Variants in GPC3 observed in about 807,000 individuals in gnomAD.
GPC3 encodes glypican-3.
In GPC3, 3 loss-of-function variants were observed where a neutral mutation model predicts 34.4. The ratio of observed to expected loss-of-function variants is 0.09; its 90% CI spans 0.04 to 0.23. The LOEUF is 0.23. GPC3 is among the 10% of genes least tolerant of loss of function. The pLI, the probability that GPC3 is intolerant of heterozygous loss-of-function variation, is 1.00. For missense variants in GPC3, 351 were observed against 445.6 expected, an observed-to-expected ratio of 0.79 and a Z score of 1.91; for synonymous variants, 177 against 174.0, an observed-to-expected ratio of 1.02 and a Z score of -0.13.
intron 2 of GPC3, among the ~76,000 whole-genome samples, chrX:133,782,097 T>C (rs1219629594): frequency 1.8e-5 from 2 of 111,471 alleles, no homozygotes; most frequent in Admixed American, 1.9e-4. Flanking sequence ...GTAACAGCTC[T>C]GAATGCTACC....
intron 7 of GPC3, among the ~76,000 whole-genome samples, chrX:133,554,312 ATTT>A (rs756600163): frequency 1.1e-5 from 1 of 88,026 alleles, no homozygotes. Flanking sequence ...GTATCTGGCA[ATTT>A]TTTTTTTTTT....
In GPC3 at chrX:133,776,919, G is replaced by A. The variant is rs181016865; in HGVS notation, c.338-22743C>T. On this transcript the variant is annotated intron_variant, in intron 2 of 7. Transcript: ENST00000370818. ...TTTTGAGATGGAGTCTTACACTGTCGCCCGCGCTGGAGTGCAGTGGCGCGA... is the reference window on the plus strand; with the variant it reads ...TTTTGAGATGGAGTCTTACACTGTCACCCGCGCTGGAGTGCAGTGGCGCGA... Among the ~76,000 whole-genome samples the A allele has an allele frequency of 8.2e-3, 682 of 83,491 alleles. 5 individuals carry two copies. Among genetic ancestry groups the A allele is most frequent in the African/African-American group, 0.028 (637 of 22,962 alleles). The allele number at this position is 83,491 out of a possible 115,157, so 72.5% of individuals were successfully genotyped here.
At chrX:133,712,884 C>A (rs1200151774) in intron 3 of GPC3, among the ~76,000 whole-genome samples, 1 of 108,887 alleles carries the variant, frequency 9.2e-6, no homozygotes, top group Non-Finnish European at 1.9e-5. Flanking sequence ...GACTCCCTCT[C>A]AAAAAAAATA....
chrX:133,974,450 G>T (rs1569461275), intron 1 of GPC3, among the ~76,000 whole-genome samples: 1 of 112,552 alleles, frequency 8.9e-6, no homozygotes, highest in Non-Finnish European at 1.9e-5. Flanking sequence ...AGAGATGTGT[G>T]TGTATGCACG....
intron 2 of GPC3, among the ~76,000 whole-genome samples, chrX:133,858,116 G>C (rs2075914872): frequency 9.0e-6 from 1 of 111,582 alleles, no homozygotes; most frequent in Non-Finnish European, 1.9e-5. Flanking sequence ...ACTCAGGAAA[G>C]GGGGGCTGCT....
chrX:133,561,984 T>C (rs2069541876), intron 7 of GPC3, among the ~76,000 whole-genome samples: 1 of 112,290 alleles, frequency 8.9e-6, no homozygotes, highest in African/African-American at 3.2e-5. Flanking sequence ...ATTTAGTTTA[T>C]ATTCGATGAC....
chrX:133,700,712 G>A (rs1199818255), intron 3 of GPC3, among the ~76,000 whole-genome samples: 1 of 110,010 alleles, frequency 9.1e-6, no homozygotes, highest in East Asian at 2.9e-4. Flanking sequence ...CCCAGTCTCT[G>A]CAAAAAATAA....
chrX:133,841,044 C>A (rs1046530652), intron 2 of GPC3, among the ~76,000 whole-genome samples: 5 of 106,018 alleles, frequency 4.7e-5, no homozygotes, highest in Non-Finnish European at 5.8e-5. Context: ...TTAAAAAATT[C>A]TTCTATCAAA....
At chrX:133,911,461 A>G (rs1005039644) in intron 2 of GPC3, among the ~76,000 whole-genome samples, 1 of 111,755 alleles carries the variant, frequency 8.9e-6, no homozygotes, top group Admixed American at 9.5e-5. Flanking sequence ...TTTAAAAGGT[A>G]TGTTCTAATT....
chrX:133,560,242 T>G (rs893277724), intron 7 of GPC3, among the ~76,000 whole-genome samples: 2 of 111,777 alleles, frequency 1.8e-5, no homozygotes, highest in African/African-American at 3.3e-5. Flanking sequence ...ATCTTTCTAC[T>G]TTCTCAGCTT....
intron 3 of GPC3, among the ~76,000 whole-genome samples, chrX:133,725,138 T>A (rs766436477): frequency 9.0e-6 from 1 of 111,526 alleles, no homozygotes; most frequent in South Asian, 3.9e-4. Context: ...ATATAAATAA[T>A]CTCAGTTCTG....
intron 2 of GPC3, among the ~76,000 whole-genome samples, chrX:133,914,693 T>C (rs1309813343): frequency 9.1e-6 from 1 of 110,199 alleles, no homozygotes; most frequent in Admixed American, 9.8e-5. Context: ...TAGTACAGTA[T>C]AGTTAGCACT....
At chrX:133,983,799 C>G (rs1320774343) in intron 1 of GPC3, among the ~76,000 whole-genome samples, 1 of 111,966 alleles carries the variant, frequency 8.9e-6, no homozygotes, top group Non-Finnish European at 1.9e-5. Flanking sequence ...TTGCCCCTTA[C>G]AGCTCCTGCA....
At chrX:133,887,352 T>C (rs1010316718) in intron 2 of GPC3, among the ~76,000 whole-genome samples, 2 of 112,649 alleles carry the variant, frequency 1.8e-5, no homozygotes, top group Non-Finnish European at 3.7e-5. Flanking sequence ...ATCTTTTTGA[T>C]AACAGCCATT....
At chrX:133,708,919 GTTAT>G (rs1293218975) in intron 3 of GPC3, among the ~76,000 whole-genome samples, 1 of 111,984 alleles carries the variant, frequency 8.9e-6, no homozygotes, top group East Asian at 2.8e-4. Flanking sequence ...AACTTTCCAA[GTTAT>G]TTAACACTCA....
chrX:133,596,805 G>T (rs1448949614), intron 6 of GPC3, among the ~76,000 whole-genome samples: 1 of 111,627 alleles, frequency 9.0e-6, no homozygotes, highest in Non-Finnish European at 1.9e-5. Context: ...TGATGTGATG[G>T]TCTACTCCTT....
chrX:133,659,669 A>G (rs1279155074), intron 6 of GPC3, among the ~76,000 whole-genome samples: 1 of 111,783 alleles, frequency 8.9e-6, no homozygotes, highest in Non-Finnish European at 1.9e-5. Flanking sequence ...TTGAATCCCC[A>G]AAGTCCCTGG....
chrX:133,650,139 G>T (rs1315209000), intron 6 of GPC3, among the ~76,000 whole-genome samples: 1 of 111,105 alleles, frequency 9.0e-6, no homozygotes, highest in Non-Finnish European at 1.9e-5. Context: ...GTGAGACATC[G>T]GCCAATAAGG....
In GPC3 at chrX:133,715,919, C is replaced by T. The variant is rs183679870; in HGVS notation, c.1033-15891G>A. Among the ~76,000 whole-genome samples, 10 of 111,264 alleles carry T rather than the reference C, an allele frequency of 9.0e-5. No homozygotes were observed. In the East Asian group the frequency reaches 2.8e-3, roughly 32 times the overall value. On this transcript the variant is annotated intron_variant, in intron 3 of 7. Coordinates refer to ENST00000370818, the MANE Select transcript of GPC3 (RefSeq NM_004484.4). ...CTGTGCAAGGAAGTGAAGGCTAAGG[C>T]AGGGTCTTCAACTGCTAGGCTGAAT... is the stretch of plus-strand genomic sequence containing the variant.
Sources: allele counts gnomAD v4.1 joint callset (sites outside exome capture counted in the v4.1 genomes callset), GRCh38; gene constraint gnomAD v4.1.1; transcripts MANE v1.5; gene names NCBI Gene and HGNC (gene_info 2026-07-23, HGNC 2026-07-21).